Variants in HS6ST3 observed in about 807,000 individuals in gnomAD.
The protein encoded by HS6ST3 is heparan sulfate 6-O-sulfotransferase 3, also known as heparan-sulfate 6-O-sulfotransferase 3.
A neutral mutation model predicts 36.7 loss-of-function variants in HS6ST3; 12 were observed. That is an observed-to-expected ratio of 0.33 (90% CI 0.21 to 0.53). HS6ST3 has a LOEUF of 0.53. Ranked by LOEUF, HS6ST3 falls within the 20% of genes least tolerant of loss-of-function variation. The probability of loss-of-function intolerance (pLI) is 0.95; values close to 1 mark genes in which losing one functional copy is unlikely to be tolerated. For synonymous variants in HS6ST3, 240 were observed against 257.5 expected (o/e 0.93, Z 0.65); for missense variants, 584 against 640.9 (o/e 0.91, Z 0.96).
chr13:96,175,281 C>T (rs1009746444), intron 1 of HS6ST3, among the ~76,000 whole-genome samples: 5 of 152,052 alleles, frequency 3.3e-5, no homozygotes, highest in East Asian at 1.9e-4. Flanking sequence ...CTGATTTTCC[C>T]GGGAGCGTGT....
intron 1 of HS6ST3, among the ~76,000 whole-genome samples, chr13:96,655,865 C>G (rs1485741117): frequency 2.0e-5 from 3 of 152,242 alleles, no homozygotes; most frequent in Admixed American, 1.3e-4. Context: ...TATCAGGCTT[C>G]TCAGGGTTCC....
At position 96,090,829 on chromosome 13, in the gene HS6ST3, C is replaced by T. The variant is rs2053757694; in HGVS notation, c.-34C>T. 1 of 1,465,152 alleles carries T rather than the reference C, an allele frequency of 6.8e-7. No individual in the cohort carries two copies. Among genetic ancestry groups the T allele is most frequent in the Non-Finnish European group, 9.1e-7 (1 of 1,103,470 alleles). 90.8% of individuals were successfully genotyped at this position (1,465,152 alleles called of 1,614,324 possible). A position where few individuals can be genotyped will look rare whatever the true frequency, so the allele number is the denominator to read the frequency against. On this transcript the variant is annotated 5_prime_UTR_variant, in exon 1 of 2. Coordinates refer to ENST00000376705, the MANE Select transcript of HS6ST3 (RefSeq NM_153456.4). ...CCCGTCCGCCCTGCCGCCGCCGCCG[C>T]CGCCGCTTCGCCTGCCGGCCTGAGA...
intron 1 of HS6ST3, among the ~76,000 whole-genome samples, chr13:96,133,308 T>G (rs901398631): frequency 3.3e-5 from 5 of 152,086 alleles, no homozygotes; most frequent in African/African-American, 1.2e-4. Flanking sequence ...TTGTATTTTT[T>G]GCAGAGATGG....
intron 1 of HS6ST3, among the ~76,000 whole-genome samples, chr13:96,257,624 T>A (rs940448034): frequency 4.6e-5 from 7 of 152,226 alleles, no homozygotes; most frequent in Non-Finnish European, 1.0e-4. Context: ...TTAACATTTT[T>A]AAAATGCTCA....
At chr13:96,274,266 CA>C (rs964776403) in intron 1 of HS6ST3, among the ~76,000 whole-genome samples, 5 of 151,800 alleles carry the variant, frequency 3.3e-5, no homozygotes, top group Non-Finnish European at 4.4e-5. Flanking sequence ...TCTCTGAATC[CA>C]GTTTCAGAAC....
At chr13:96,428,777 G>A (rs1236962514) in intron 1 of HS6ST3, among the ~76,000 whole-genome samples, 2 of 151,876 alleles carry the variant, frequency 1.3e-5, no homozygotes, top group African/African-American at 4.9e-5. Flanking sequence ...AGGAATGCAA[G>A]TGCTCTGCAG....
chr13:96,793,630 C>G (rs571748876), intron 1 of HS6ST3, among the ~76,000 whole-genome samples: 16 of 152,194 alleles, frequency 1.1e-4, no homozygotes, highest in Non-Finnish European at 1.5e-4. Context: ...AGGAGATTTA[C>G]TGTATTTTTA....
chr13:96,191,742 C>G (rs1156918223), intron 1 of HS6ST3, among the ~76,000 whole-genome samples: 6 of 152,098 alleles, frequency 3.9e-5, no homozygotes, highest in African/African-American at 1.4e-4. Flanking sequence ...AAATTTTTGT[C>G]AATCAAATGA....
At chr13:96,399,901 CTT>C (rs1358017032) in intron 1 of HS6ST3, among the ~76,000 whole-genome samples, 1 of 152,218 alleles carries the variant, frequency 6.6e-6, no homozygotes, top group East Asian at 1.9e-4. Context: ...CTATTGAAGT[CTT>C]TTCCTCAGTG....
At chr13:96,596,766 CA>C (rs1163799318) in intron 1 of HS6ST3, among the ~76,000 whole-genome samples, 2 of 152,136 alleles carry the variant, frequency 1.3e-5, no homozygotes, top group Non-Finnish European at 2.9e-5. Context: ...TTGTGGAAGA[CA>C]GTGTGGTGAT....
chr13:96,778,196 C>T (rs9513180), intron 1 of HS6ST3, among the ~76,000 whole-genome samples: 12,998 of 152,124 alleles, frequency 0.085, 659 homozygotes, highest in East Asian at 0.24. Flanking sequence ...AAGACTTAAA[C>T]GTAAGACCTA....
At chr13:96,197,461 C>T (rs1449512974) in intron 1 of HS6ST3, among the ~76,000 whole-genome samples, 2 of 152,154 alleles carry the variant, frequency 1.3e-5, no homozygotes, top group African/African-American at 4.8e-5. Context: ...ACATATCATT[C>T]TGCCCCTGGT....
Position 96,090,938 on chromosome 13 carries a change from G to T in HS6ST3, c.76G>T (p.Val26Leu). Reference sequence around the variant, plus strand: ...CTTCGTGGTCATCATGTACCAGTACGTGTCCCCCTCCTGCACCAGCTCCTG... The same window carrying T: ...CTTCGTGGTCATCATGTACCAGTACTTGTCCCCCTCCTGCACCAGCTCCTG... ...LLFVVIMYQY[V>L]SPSCTSSCTN... The change falls in exon 1 of 2, where the codon GTG becomes TTG. Residue 26 changes from valine (V) to leucine (L), a missense_variant. This residue lies in a region of HS6ST3 where 217 missense variants were observed against 205.4 expected (regional missense o/e 1.06). Coordinates refer to ENST00000376705, the MANE Select transcript of HS6ST3 (RefSeq NM_153456.4). 1 of 1,486,856 alleles carries T rather than the reference G, an allele frequency of 6.7e-7. No individual in the cohort carries two copies. The highest frequency in any genetic ancestry group is 2.1e-5 in the Admixed American group (1 of 47,680). The allele number at this position is 1,486,856 out of a possible 1,614,324, so 92.1% of individuals were successfully genotyped here.
At chr13:96,810,579 A>T (rs1878296989) in intron 1 of HS6ST3, among the ~76,000 whole-genome samples, 1 of 152,236 alleles carries the variant, frequency 6.6e-6, no homozygotes, top group African/African-American at 2.4e-5. Flanking sequence ...TTTAGACGTA[A>T]AGGAAGTAAA....
chr13:96,149,416 G>A lies in HS6ST3; in HGVS notation c.707+57847G>A, dbSNP rs960799330. 2.6e-5 allele frequency among the ~76,000 whole-genome samples: 4 copies of A among 151,948 alleles called. No homozygotes were observed. In the South Asian group the frequency reaches 8.3e-4, roughly 32 times the overall value. On this transcript the variant is annotated intron_variant, in intron 1 of 1. Transcript: ENST00000376705. ...TTTTTCTTTATAGCCACAATAGTGT[G>A]ACCTCCCATTTTCCTGTTTTGAGAG...
In HS6ST3 at chr13:96,256,172, A is replaced by G. The variant is rs138043042; in HGVS notation, c.707+164603A>G. On this transcript the variant is annotated intron_variant, in intron 1 of 1. Coordinates refer to ENST00000376705, the MANE Select transcript of HS6ST3 (RefSeq NM_153456.4). ...TGGTAGTGCCGTCATGCCATAGTGTATGCCATCAGGTGATATATGGTCACT... is the reference window on the plus strand; with the variant it reads ...TGGTAGTGCCGTCATGCCATAGTGTGTGCCATCAGGTGATATATGGTCACT... Among the ~76,000 whole-genome samples, 109 of 152,332 alleles carry G rather than the reference A, an allele frequency of 7.2e-4. 2 individuals carry two copies. Among genetic ancestry groups the G allele is most frequent in the African/African-American group, 2.5e-3 (105 of 41,596 alleles).
chr13:96,751,764 A>G (rs1322427208), intron 1 of HS6ST3, among the ~76,000 whole-genome samples: 1 of 151,790 alleles, frequency 6.6e-6, no homozygotes, highest in African/African-American at 2.4e-5. Context: ...GTGTGTGTGT[A>G]TATATATGTG....
At chr13:96,383,026 A>G (rs2055348998) in intron 1 of HS6ST3, among the ~76,000 whole-genome samples, 1 of 152,240 alleles carries the variant, frequency 6.6e-6, no homozygotes, top group African/African-American at 2.4e-5. Flanking sequence ...ACTAGGTATG[A>G]AAGGTTAACA....
At chr13:96,100,410 G>A (rs542087558) in intron 1 of HS6ST3, among the ~76,000 whole-genome samples, 28 of 152,210 alleles carry the variant, frequency 1.8e-4, no homozygotes, top group Middle Eastern at 3.4e-3. Flanking sequence ...GTATGGACAG[G>A]GATAGGGAAA....
Sources: allele counts gnomAD v4.1 joint callset (sites outside exome capture counted in the v4.1 genomes callset), GRCh38; gene constraint gnomAD v4.1.1; regional missense constraint gnomAD v4.1.1; transcripts MANE v1.5; gene names NCBI Gene and HGNC (gene_info 2026-07-23, HGNC 2026-07-21).